TSPAN14: variants seen among roughly 807,000 people sequenced by gnomAD.
TSPAN14 encodes the protein tetraspanin 14.
Under a neutral mutation model 36.6 loss-of-function variants are expected in TSPAN14, and 16 were observed. The observed-to-expected ratio is 0.44, with a 90% CI of 0.30 to 0.66. The LOEUF is 0.66. Among genes scored for constraint, TSPAN14 ranks in the 30% least tolerant of loss-of-function variants. The pLI, the probability that TSPAN14 is intolerant of heterozygous loss-of-function variation, is 0.12. For missense variants in TSPAN14, 231 were observed against 355.1 expected (o/e 0.65, Z 2.81); for synonymous variants, 139 against 143.8 (o/e 0.97, Z 0.24).
chr10:80,469,096 C>T (rs1846396929), intron 1 of TSPAN14, among the ~76,000 whole-genome samples: 2 of 151,532 alleles, frequency 1.3e-5, no homozygotes, highest in South Asian at 2.1e-4. Flanking sequence ...GGAGCTAGTT[C>T]GAGAAAGCCC....
At chr10:80,520,739 C>T (rs2132078929) in exon 9 of TSPAN14, 1 of 533,486 alleles carries the variant, frequency 1.9e-6, no homozygotes, top group Non-Finnish European at 3.8e-6. Flanking sequence ...GCTGTCTGTA[C>T]CCCTTCCTTT....
chr10:80,483,835 G>A (rs1204260231), intron 1 of TSPAN14, among the ~76,000 whole-genome samples: 8 of 133,468 alleles, frequency 6.0e-5, no homozygotes, highest in Admixed American at 2.6e-4. Flanking sequence ...ACTTGAACCC[G>A]GGAGGCGGAG....
chr10:80,470,797 C>T (rs1346727802), intron 1 of TSPAN14, among the ~76,000 whole-genome samples: 2 of 152,204 alleles, frequency 1.3e-5, no homozygotes, highest in African/African-American at 4.8e-5. Context: ...GTCAGCCCTG[C>T]AAGGATGACC....
chr10:80,489,356 C>A, intron 2 of TSPAN14, 42 bp downstream of exon 2: 1 of 1,286,920 alleles, frequency 7.8e-7, no homozygotes, highest in Non-Finnish European at 1.1e-6. Context: ...TTTAGTCCTT[C>A]ATTCAGTAAA....
intron 6 of TSPAN14, among the ~76,000 whole-genome samples, chr10:80,513,410 A>G (rs949130772): frequency 1.3e-5 from 2 of 152,102 alleles, no homozygotes; most frequent in Non-Finnish European, 2.9e-5. Context: ...CCACTATTAT[A>G]TGGGCAAGTT....
At chr10:80,514,366 G>A (rs1048178402) in intron 7 of TSPAN14, among the ~76,000 whole-genome samples, 1 of 152,152 alleles carries the variant, frequency 6.6e-6, no homozygotes, top group Non-Finnish European at 1.5e-5. Flanking sequence ...ATTTTTAGGA[G>A]GCTCCTTGGC....
At chr10:80,468,329 G>T (rs1361059129) in intron 1 of TSPAN14, among the ~76,000 whole-genome samples, 1 of 152,156 alleles carries the variant, frequency 6.6e-6, no homozygotes, top group Non-Finnish European at 1.5e-5. Flanking sequence ...GAAGAGGCAG[G>T]TCTCTATCAT....
At chr10:80,476,667 G>A (rs1013731215) in intron 1 of TSPAN14, among the ~76,000 whole-genome samples, 10 of 151,982 alleles carry the variant, frequency 6.6e-5, no homozygotes, top group African/African-American at 2.2e-4. Context: ...TGCCCGCCTC[G>A]GCCTCCCAAA....
intron 5 of TSPAN14, among the ~76,000 whole-genome samples, chr10:80,511,750 C>G (rs1191514603): frequency 1.4e-5 from 2 of 142,994 alleles, no homozygotes; most frequent in East Asian, 4.0e-4. Context: ...CTCTCTCTCT[C>G]TCTCTCTCTC....
At chr10:80,459,363 C>G (rs1454506553) in intron 1 of TSPAN14, 1 of 152,420 alleles carries the variant, frequency 6.6e-6, no homozygotes, top group African/African-American at 2.4e-5. Context: ...AACTGAGCAG[C>G]CAGGGAGAAG....
chr10:80,518,320 A>G, exon 9 of TSPAN14: 1 of 336,746 alleles, frequency 3.0e-6, no homozygotes, highest in South Asian at 3.4e-5. Context: ...TCTGCAGGAC[A>G]CCCTGGTCCC....
At chr10:80,518,886 T>C (rs908917649) in exon 9 of TSPAN14, 5 of 152,870 alleles carry the variant, frequency 3.3e-5, no homozygotes, top group African/African-American at 1.2e-4. Context: ...TCCCCTTGAG[T>C]GTCTTAAGAA....
Position 80,512,366 on chromosome 10 carries a change from G to A in TSPAN14, c.576+97G>A. ...GTGCTCTAGGATACTTCTCTGTCAT[G>A]GAGGTCTGAGGAGCAGGTGTGCTTT... On this transcript the variant is annotated intron_variant, in intron 6 of 8. Transcript: ENST00000429989. 3 of 1,493,790 alleles carry A rather than the reference G, an allele frequency of 2.0e-6. 1 individual carries two copies. In the South Asian group the frequency reaches 3.9e-5, roughly 20 times the overall value. 92.5% of individuals were successfully genotyped at this position (1,493,790 alleles called of 1,614,324 possible).
chr10:80,488,909 A>G (rs546799645), intron 1 of TSPAN14, among the ~76,000 whole-genome samples: 6 of 152,112 alleles, frequency 3.9e-5, no homozygotes, highest in Non-Finnish European at 8.8e-5. Flanking sequence ...TCAATTCCCA[A>G]TCGAGAGGTG....
At chr10:80,501,286 C>T (rs1848505444) in intron 2 of TSPAN14, among the ~76,000 whole-genome samples, 4 of 120,602 alleles carry the variant, frequency 3.3e-5, no homozygotes, top group Non-Finnish European at 5.0e-5. Context: ...TTTAGAAAAC[C>T]TTTTTTTTTT....
intron 7 of TSPAN14, 101 bp downstream of exon 7, chr10:80,514,164 T>G: frequency 8.7e-7 from 1 of 1,145,502 alleles, no homozygotes; most frequent in Non-Finnish European, 1.3e-6. Flanking sequence ...GTGGGAAAAC[T>G]CAGGGCAGTG....
At chr10:80,462,605 G>A (rs995788340) in intron 1 of TSPAN14, among the ~76,000 whole-genome samples, 4 of 152,148 alleles carry the variant, frequency 2.6e-5, no homozygotes, top group African/African-American at 7.2e-5. Flanking sequence ...TTATTGACAC[G>A]TCAGTTAAAG....
chr10:80,492,473 G>A (rs1847970904), intron 2 of TSPAN14, among the ~76,000 whole-genome samples: 2 of 152,168 alleles, frequency 1.3e-5, no homozygotes, highest in Non-Finnish European at 2.9e-5. Context: ...ACCAATCCTA[G>A]GTGTTGGGAC....
chr10:80,479,325 T>C lies in TSPAN14; in HGVS notation c.-17-9892T>C, dbSNP rs563949278. Among the ~76,000 whole-genome samples the C allele has an allele frequency of 2.0e-3, 310 of 151,514 alleles. 2 individuals carry two copies. The highest frequency in any genetic ancestry group is 7.1e-3 in the African/African-American group (292 of 41,366). On this transcript the variant is annotated intron_variant, in intron 1 of 8. Transcript: ENST00000429989. ...GATCCCATTTGTCAATTTTGGCTTT[T>C]GTTGCCATTGCTTTTGGTGTTTTAG...
Sources: gnomAD v4.1 joint callset for allele counts (sites outside exome capture counted in the v4.1 genomes callset) on GRCh38, gnomAD v4.1.1 for gene constraint, MANE v1.5 for transcripts, NCBI Gene and HGNC (gene_info 2026-07-23, HGNC 2026-07-21) for gene names.